KCNIP4: variants seen among roughly 807,000 people sequenced by gnomAD.
The protein encoded by KCNIP4 is potassium voltage-gated channel interacting protein 4.
KCNIP4 carries 12 observed loss-of-function variants against 34.0 expected under a neutral mutation model. The ratio of observed to expected loss-of-function variants is 0.35; its 90% CI spans 0.23 to 0.57. The LOEUF is 0.57. Ranked by LOEUF, KCNIP4 falls within the 20% of genes least tolerant of loss-of-function variation. KCNIP4 has a pLI of 0.83. For synonymous variants in KCNIP4, 124 were observed against 102.2 expected (o/e 1.21, Z -1.29); for missense variants, 238 against 311.7 (o/e 0.76, Z 1.78).
intron 1 of KCNIP4, among the ~76,000 whole-genome samples, chr4:21,256,289 T>C (rs1163049733): frequency 6.6e-6 from 1 of 152,046 alleles, no homozygotes; most frequent in Non-Finnish European, 1.5e-5. Flanking sequence ...AGGAGCTTTC[T>C]GAACAGTGAA....
intron 1 of KCNIP4, among the ~76,000 whole-genome samples, chr4:21,264,854 T>A (rs959404760): frequency 6.6e-6 from 1 of 152,008 alleles, no homozygotes; most frequent in Non-Finnish European, 1.5e-5. Flanking sequence ...TCCCAGCAGT[T>A]TGGGAGGCTG....
chr4:21,879,531 T>A (rs1297929416), intron 1 of KCNIP4, among the ~76,000 whole-genome samples: 1 of 152,214 alleles, frequency 6.6e-6, no homozygotes, highest in Admixed American at 6.5e-5. Context: ...ACTCAATAGA[T>A]CGACTTCATC....
intron 1 of KCNIP4, among the ~76,000 whole-genome samples, chr4:21,078,591 T>C (rs1745719993): frequency 6.6e-6 from 1 of 151,998 alleles, no homozygotes; most frequent in Non-Finnish European, 1.5e-5. Context: ...ACTTTGGAGA[T>C]TAGGAACTTA....
chr4:21,038,221 C>A (rs760778649), intron 1 of KCNIP4, among the ~76,000 whole-genome samples: 1 of 151,716 alleles, frequency 6.6e-6, no homozygotes, highest in Non-Finnish European at 1.5e-5. Flanking sequence ...GTGATCCACC[C>A]GCCTCAGCCT....
At chr4:21,500,564 T>C (rs1255276778) in intron 1 of KCNIP4, among the ~76,000 whole-genome samples, 1 of 152,160 alleles carries the variant, frequency 6.6e-6, no homozygotes, top group Admixed American at 6.6e-5. Flanking sequence ...TAAGTAAAAG[T>C]CATTGCGTTA....
At chr4:21,554,606 C>G (rs183289289) in intron 1 of KCNIP4, among the ~76,000 whole-genome samples, 3 of 152,072 alleles carry the variant, frequency 2.0e-5, no homozygotes, top group Non-Finnish European at 4.4e-5. Flanking sequence ...GAACATGTCA[C>G]GAGTTTGCAG....
chr4:21,438,036 T>C (rs557197289), intron 1 of KCNIP4, among the ~76,000 whole-genome samples: 1 of 152,134 alleles, frequency 6.6e-6, no homozygotes, highest in Non-Finnish European at 1.5e-5. Flanking sequence ...CTTGTTATGA[T>C]CATAAAATAT....
intron 1 of KCNIP4, among the ~76,000 whole-genome samples, chr4:21,658,902 A>C (rs934639403): frequency 2.0e-5 from 3 of 152,144 alleles, no homozygotes; most frequent in Non-Finnish European, 4.4e-5. Context: ...TGATTCTGTA[A>C]GTTTTCTCCA....
At chr4:21,626,091 G>C (rs1282415443) in intron 1 of KCNIP4, among the ~76,000 whole-genome samples, 1 of 152,126 alleles carries the variant, frequency 6.6e-6, no homozygotes, top group East Asian at 1.9e-4. Context: ...AATATTGCTT[G>C]CTATTTATCT....
At chr4:21,178,338 G>A (rs1397327441) in intron 1 of KCNIP4, among the ~76,000 whole-genome samples, 1 of 152,108 alleles carries the variant, frequency 6.6e-6, no homozygotes, top group Non-Finnish European at 1.5e-5. Context: ...TGGTTGGAAC[G>A]AAGATTTTGT....
chr4:21,924,659 T>G (rs1340475421), intron 1 of KCNIP4, among the ~76,000 whole-genome samples: 1 of 152,198 alleles, frequency 6.6e-6, no homozygotes, highest in Non-Finnish European at 1.5e-5. Flanking sequence ...GTTGTCTCCA[T>G]CAATTTTTTA....
At chr4:21,089,109 C>A (rs926662727) in intron 1 of KCNIP4, among the ~76,000 whole-genome samples, 15 of 152,140 alleles carry the variant, frequency 9.9e-5, no homozygotes, top group African/African-American at 3.1e-4. Flanking sequence ...TTTACCATAT[C>A]CCCTTTGTAT....
At chr4:21,283,820 T>A (rs1248194778) in intron 1 of KCNIP4, among the ~76,000 whole-genome samples, 2 of 150,544 alleles carry the variant, frequency 1.3e-5, no homozygotes, top group Non-Finnish European at 3.0e-5. Context: ...AATAAATAAA[T>A]AAATCATGCT....
chr4:21,586,925 AG>A (rs962675739), intron 1 of KCNIP4, among the ~76,000 whole-genome samples: 1 of 152,082 alleles, frequency 6.6e-6, no homozygotes, highest in African/African-American at 2.4e-5. Context: ...AGTTCCCACA[AG>A]GTATGATTAG....
In KCNIP4 at chr4:20,732,723, G is replaced by A. The variant is rs774475425; in HGVS notation, c.600C>T (p.Leu200=). 27 of 1,612,546 alleles carry A rather than the reference G, an allele frequency of 1.7e-5. No homozygotes were observed. The highest frequency in any genetic ancestry group is 1.0e-4 in the Admixed American group (6 of 59,966). ...CGTGTTGTCTGGGAGCATCTTCTTT[G>A]AGGACAGGATATGTACATTTACCCA... ...DMMGKCTYPV[L]KEDAPRQHVE... is the part of the protein sequence containing the mutation. Residue 200 remains leucine (L), a synonymous_variant, in exon 7 of 9, where the codon CTC becomes CTT. Transcript: ENST00000382152.
chr4:21,622,822 C>T (rs1374976434), intron 1 of KCNIP4, among the ~76,000 whole-genome samples: 1 of 152,102 alleles, frequency 6.6e-6, no homozygotes, highest in Non-Finnish European at 1.5e-5. Context: ...CTAAGTAACA[C>T]CTGAATTGTC....
intron 1 of KCNIP4, among the ~76,000 whole-genome samples, chr4:21,258,088 C>A (rs1375765774): frequency 2.0e-5 from 3 of 152,130 alleles, no homozygotes; most frequent in African/African-American, 7.2e-5. Context: ...AAAAAATTAG[C>A]CTTTCCAAAC....
intron 1 of KCNIP4, among the ~76,000 whole-genome samples, chr4:21,515,455 G>A (rs113611098): frequency 1.1e-4 from 16 of 152,056 alleles, no homozygotes; most frequent in African/African-American, 2.9e-4. Flanking sequence ...TGGTTAACAC[G>A]GCGAAACCCC....
At chr4:21,341,297 C>G (rs1716740425) in intron 1 of KCNIP4, among the ~76,000 whole-genome samples, 2 of 152,056 alleles carry the variant, frequency 1.3e-5, no homozygotes, top group Non-Finnish European at 2.9e-5. Context: ...CAATTTTTTA[C>G]AGCAGCCTAG....
Sources: gnomAD v4.1 joint callset for allele counts (sites outside exome capture counted in the v4.1 genomes callset) on GRCh38, gnomAD v4.1.1 for gene constraint, MANE v1.5 for transcripts, NCBI Gene and HGNC (gene_info 2026-07-23, HGNC 2026-07-21) for gene names.